The following SASH1 variants were observed in gnomAD, a reference collection of about 807,000 sequenced individuals.
SASH1 encodes SAM and SH3 domain containing 1, also known as SAM and SH3 domain-containing protein 1.
SASH1 carries 44 observed loss-of-function variants against 125.2 expected under a neutral mutation model. The observed-to-expected ratio is 0.35, with a 90% CI of 0.28 to 0.45. The LOEUF is 0.45. Ranked by LOEUF, SASH1 falls within the 20% of genes least tolerant of loss-of-function variation. The pLI is 1.00. For synonymous variants in SASH1, 639 were observed against 649.1 expected (o/e 0.98, Z 0.24); for missense variants, 1,426 against 1,614.5 (o/e 0.88, Z 2.00).
chr6:148,334,973 CAAA>C (rs71004288), intron 1 of SASH1, among the ~76,000 whole-genome samples: 26 of 115,286 alleles, frequency 2.3e-4, no homozygotes, highest in Non-Finnish European at 2.0e-4. Flanking sequence ...GACTCCATCT[CAAA>C]AAAAAAAAAA....
intron 4 of SASH1, among the ~76,000 whole-genome samples, chr6:148,446,085 GTTC>G (rs1172099273): frequency 4.5e-4 from 49 of 108,898 alleles, no homozygotes; most frequent in Non-Finnish European, 7.4e-4. Flanking sequence ...ACAACATAGG[GTTC>G]TTTTTTTTTT....
intron 1 of SASH1, among the ~76,000 whole-genome samples, chr6:148,322,225 C>G (rs1181965388): frequency 6.6e-6 from 1 of 152,024 alleles, no homozygotes; most frequent in Non-Finnish European, 1.5e-5. Flanking sequence ...GTGGCGGGTG[C>G]CTGTAATCCC....
chr6:148,527,314 A>C, intron 11 of SASH1, 139 bp from the exon 12 acceptor site: 1 of 677,488 alleles, frequency 1.5e-6, no homozygotes, highest in South Asian at 2.7e-5. Flanking sequence ...AAATAATAGC[A>C]CTGAGTTAAC....
the SASH1 span, among the ~76,000 whole-genome samples, chr6:148,250,572 TA>T: frequency 0.19 from 26,867 of 141,030 alleles, 2,524 homozygotes; most frequent in East Asian, 0.26. Context: ...GCCTTAGTCT[TA>T]AAAAAAAAAA....
intron 2 of SASH1, among the ~76,000 whole-genome samples, chr6:148,421,208 A>G (rs1412674705): frequency 7.9e-5 from 11 of 138,472 alleles, no homozygotes; most frequent in South Asian, 4.5e-4. Context: ...AAAGAAAGAA[A>G]GAAAGAAAAA....
At chr6:148,315,793 G>A (rs909484424) in intron 1 of SASH1, among the ~76,000 whole-genome samples, 3 of 152,126 alleles carry the variant, frequency 2.0e-5, no homozygotes, top group East Asian at 1.9e-4. Context: ...AGTCCCAGCT[G>A]TTCAGGAGGC....
chr6:148,305,614 ACT>A (rs916530885), intron 1 of SASH1, among the ~76,000 whole-genome samples: 5 of 133,246 alleles, frequency 3.8e-5, no homozygotes, highest in African/African-American at 1.4e-4. Flanking sequence ...ACAGAGCGAG[ACT>A]CTGACTCAAA....
chr6:148,453,136 G>A (rs552481485), intron 4 of SASH1, among the ~76,000 whole-genome samples: 43 of 152,256 alleles, frequency 2.8e-4, no homozygotes, highest in African/African-American at 8.7e-4. Flanking sequence ...GCCACCAGCC[G>A]ACCCGGACAC....
the SASH1 span, among the ~76,000 whole-genome samples, chr6:148,254,420 T>C: frequency 6.6e-6 from 1 of 152,160 alleles, no homozygotes; most frequent in East Asian, 1.9e-4. Flanking sequence ...AGGATTGGAA[T>C]GTAGTGCATT....
At chr6:148,229,133 CAAAAA>C in the SASH1 span, among the ~76,000 whole-genome samples, 2 of 60,970 alleles carry the variant, frequency 3.3e-5, no homozygotes, top group African/African-American at 1.3e-4. Context: ...GACTCCATCT[CAAAAA>C]AAAAAAAAAA....
rs535122318 is a variant in SASH1 at position 148,481,262 on chromosome 6, G to A, written c.628-6352G>A. ...GTTAGGGCCTTGCTCTGGATTCGGC[G>A]TTGGCTTACGAGAGTGTTGTGGCTG... On this transcript the variant is annotated intron_variant, in intron 7 of 19. Coordinates refer to ENST00000367467, the MANE Select transcript of SASH1 (RefSeq NM_015278.5). 9.9e-5 allele frequency among the ~76,000 whole-genome samples: 15 copies of A among 152,214 alleles called. No individual in the cohort carries two copies. In the South Asian group the frequency reaches 1.5e-3, roughly 15 times the overall value.
chr6:148,350,173 G>A (rs924008811), intron 1 of SASH1, among the ~76,000 whole-genome samples: 8 of 152,126 alleles, frequency 5.3e-5, no homozygotes, highest in African/African-American at 1.2e-4. Context: ...AGGAAAAGGC[G>A]GCCAGGCACA....
At chr6:148,318,425 T>G (rs1324777314) in intron 1 of SASH1, among the ~76,000 whole-genome samples, 1 of 152,218 alleles carries the variant, frequency 6.6e-6, no homozygotes, top group African/African-American at 2.4e-5. Flanking sequence ...ATCAACAGCT[T>G]TCATTTGACA....
chr6:148,511,364 CACACACA>C (rs1562470011), intron 8 of SASH1, among the ~76,000 whole-genome samples: 1 of 150,140 alleles, frequency 6.7e-6, no homozygotes, highest in East Asian at 2.0e-4. Context: ...CACACACACA[CACACACA>C]CACCTTGGAT....
At chr6:148,295,044 A>G (rs1050921181) in intron 1 of SASH1, among the ~76,000 whole-genome samples, 1 of 152,120 alleles carries the variant, frequency 6.6e-6, no homozygotes, top group Admixed American at 6.6e-5. Flanking sequence ...AATAAGACCT[A>G]TTATTATTTT....
At chr6:148,263,970 A>G in the SASH1 span, among the ~76,000 whole-genome samples, 34 of 152,156 alleles carry the variant, frequency 2.2e-4, no homozygotes, top group African/African-American at 7.5e-4. Context: ...CACTTGTACG[A>G]CAATCATTTA....
intron 1 of SASH1, among the ~76,000 whole-genome samples, chr6:148,302,238 G>A (rs1779977164): frequency 6.8e-6 from 1 of 146,844 alleles, no homozygotes; most frequent in Admixed American, 7.1e-5. Flanking sequence ...CGTGAACCTG[G>A]GAGGTGGAGC....
chr6:148,271,085 C>CT (rs1419852490), upstream of SASH1, among the ~76,000 whole-genome samples: 1 of 151,822 alleles, frequency 6.6e-6, no homozygotes, highest in East Asian at 1.9e-4. Context: ...AATTTTTGTA[C>CT]TTTTATTAGA....
chr6:148,448,586 G>C (rs548493049), intron 4 of SASH1, among the ~76,000 whole-genome samples: 44 of 152,200 alleles, frequency 2.9e-4, no homozygotes, highest in African/African-American at 9.2e-4. Context: ...TGTGCACTCT[G>C]TGCAGCTCTG....
Sources: gnomAD v4.1 joint callset for allele counts (sites outside exome capture counted in the v4.1 genomes callset) on GRCh38, gnomAD v4.1.1 for gene constraint, MANE v1.5 for transcripts, NCBI Gene and HGNC (gene_info 2026-07-23, HGNC 2026-07-21) for gene names.